HSD17B12: variants seen among roughly 807,000 people sequenced by gnomAD.
HSD17B12 encodes the protein very-long-chain 3-oxoacyl-CoA reductase.
Under a neutral mutation model 39.3 loss-of-function variants are expected in HSD17B12, and 32 were observed. The observed-to-expected ratio is 0.81, with a 90% CI of 0.61 to 1.09. The LOEUF (loss-of-function observed/expected upper bound fraction) is 1.09. HSD17B12 is among the 50% of genes least tolerant of loss of function. HSD17B12 has a pLI of 0.00. For synonymous variants in HSD17B12, 150 were observed against 146.7 expected, an observed-to-expected ratio of 1.02 and a Z score of -0.16; for missense variants, 342 against 382.9, an observed-to-expected ratio of 0.89 and a Z score of 0.89.
At chr11:43,803,942 CTTGATTCCT>C (rs1465492905) in intron 4 of HSD17B12, among the ~76,000 whole-genome samples, 3 of 152,182 alleles carry the variant, frequency 2.0e-5, no homozygotes, top group Non-Finnish European at 4.4e-5. Context: ...GTAATGCTTA[CTTGATTCCT>C]TAGGAGAGAC....
the HSD17B12 span, among the ~76,000 whole-genome samples, chr11:43,580,029 A>T: frequency 6.7e-6 from 1 of 148,228 alleles, no homozygotes; most frequent in Non-Finnish European, 1.5e-5. Context: ...GGAGATAGTC[A>T]GGACGTCCCT....
intron 7 of HSD17B12, among the ~76,000 whole-genome samples, chr11:43,834,694 T>C (rs1286482360): frequency 6.6e-6 from 1 of 152,170 alleles, no homozygotes; most frequent in Non-Finnish European, 1.5e-5. Flanking sequence ...AAGGGAGTCT[T>C]ATTGGGAATT....
chr11:43,680,749 C>T lies in HSD17B12; in HGVS notation c.-79C>T, dbSNP rs1390931676. The T allele has an allele frequency of 2.3e-6, 3 of 1,313,680 alleles. No individual in the cohort carries two copies. Among genetic ancestry groups the T allele is most frequent in the East Asian group, 2.3e-5 (1 of 42,868 alleles). The allele number at this position is 1,313,680 out of a possible 1,614,324, so 81.4% of individuals were successfully genotyped here. On this transcript the variant is annotated 5_prime_UTR_variant, in exon 1 of 11. Transcript: ENST00000278353. ...CAGCGCCTATTAGTGTCATCCTCAC[C>T]GTCACGGCCGGCGCCTCCTCCTGGA... is the stretch of plus-strand genomic sequence containing the variant.
chr11:43,589,842 C>G, the HSD17B12 span, among the ~76,000 whole-genome samples: 1 of 152,190 alleles, frequency 6.6e-6, no homozygotes, highest in African/African-American at 2.4e-5. Flanking sequence ...TTATTAGCTG[C>G]ATGCCCTTGA....
chr11:43,796,661 G>A (rs567736300), intron 3 of HSD17B12, among the ~76,000 whole-genome samples: 35 of 152,326 alleles, frequency 2.3e-4, no homozygotes, highest in African/African-American at 7.9e-4. Flanking sequence ...ATGCAGAAGA[G>A]TGAATTTGGT....
At chr11:43,656,179 T>C in the HSD17B12 span, among the ~76,000 whole-genome samples, 16 of 152,258 alleles carry the variant, frequency 1.1e-4, no homozygotes, top group Admixed American at 9.8e-4. Context: ...CTAGATTTTC[T>C]AGTTTATTTG....
chr11:43,723,646 A>G (rs940857586), intron 1 of HSD17B12, among the ~76,000 whole-genome samples: 1 of 152,264 alleles, frequency 6.6e-6, no homozygotes, highest in East Asian at 1.9e-4. Flanking sequence ...TAACTGATTT[A>G]TAACCATGTA....
At chr11:43,567,307 G>C in the HSD17B12 span, among the ~76,000 whole-genome samples, 1 of 152,276 alleles carries the variant, frequency 6.6e-6, no homozygotes, top group East Asian at 1.9e-4. Context: ...GATCTCCTGG[G>C]ACCAGCCCCA....
intron 1 of HSD17B12, among the ~76,000 whole-genome samples, chr11:43,744,029 A>G (rs1950392158): frequency 1.3e-5 from 2 of 152,340 alleles, no homozygotes; most frequent in South Asian, 4.1e-4. Context: ...TCAAAGTAGC[A>G]AAATTGACAA....
At chr11:43,771,497 C>T (rs1307820267) in intron 3 of HSD17B12, among the ~76,000 whole-genome samples, 11 of 111,452 alleles carry the variant, frequency 9.9e-5, no homozygotes, top group Admixed American at 6.4e-4. Flanking sequence ...GACAGAGTAT[C>T]GCTCTGTCAC....
chr11:43,725,969 T>C (rs1950216920), intron 1 of HSD17B12, among the ~76,000 whole-genome samples: 2 of 152,204 alleles, frequency 1.3e-5, no homozygotes, highest in Non-Finnish European at 2.9e-5. Context: ...GCAAGATTTT[T>C]CTCAGATTTC....
intron 7 of HSD17B12, chr11:43,833,745 G>A (rs932416696): frequency 6.6e-6 from 1 of 152,132 alleles, no homozygotes; most frequent in African/African-American, 2.4e-5. Context: ...ATCCTTTGTT[G>A]TTGTTTTCCT....
chr11:43,658,495 T>C, the HSD17B12 span, among the ~76,000 whole-genome samples: 1 of 152,238 alleles, frequency 6.6e-6, no homozygotes, highest in African/African-American at 2.4e-5. Flanking sequence ...CCAGTTTTTC[T>C]GCTCTGTTTT....
intron 6 of HSD17B12, among the ~76,000 whole-genome samples, chr11:43,818,734 C>T (rs767343376): frequency 6.6e-6 from 1 of 152,048 alleles, no homozygotes; most frequent in Non-Finnish European, 1.5e-5. Flanking sequence ...GCAAGACTCT[C>T]ATGCACAAAA....
At chr11:43,575,321 G>T in the HSD17B12 span, among the ~76,000 whole-genome samples, 21 of 152,348 alleles carry the variant, frequency 1.4e-4, no homozygotes, top group East Asian at 9.6e-4. This position sits in a 1 kb window ranked among gnomAD's most constrained non-coding sequence, Gnocchi z 4.1. Context: ...GAGAGCGGGA[G>T]CCTTAGAATC....
At chr11:43,783,439 G>A (rs1028442677) in intron 3 of HSD17B12, among the ~76,000 whole-genome samples, 3 of 142,512 alleles carry the variant, frequency 2.1e-5, no homozygotes, top group South Asian at 4.6e-4. Context: ...TATACTTTAA[G>A]TTCTGGGATA....
In HSD17B12 at chr11:43,690,383, TATATATATATA is replaced by T. The variant is rs1949845856; in HGVS notation, c.160+9397_160+9407del. 3.5e-3 allele frequency among the ~76,000 whole-genome samples: 48 copies of T among 13,612 alleles called. 1 individual carries two copies. Among genetic ancestry groups the T allele is most frequent in the South Asian group, 7.8e-3 (3 of 384 alleles). The allele number at this position is 13,612 out of a possible 152,430, so 8.9% of individuals were successfully genotyped here. A position where few individuals can be genotyped will look rare whatever the true frequency, so the allele number is the denominator to read the frequency against. ...ATACATATATATATATATATATATA[TATATATATATA>T]TATATATATATTTTTTTTTTTTTTT... On this transcript the variant is annotated intron_variant, in intron 1 of 10. Coordinates refer to ENST00000278353, the MANE Select transcript of HSD17B12 (RefSeq NM_016142.3).
At position 43,734,041 on chromosome 11, in the gene HSD17B12, T is replaced by C. The variant is rs1030299840; in HGVS notation, c.161-16870T>C. 5.1e-6 allele frequency: 4 copies of C among 780,530 alleles called. No individual in the cohort carries two copies. The African/African-American group carries it at 6.8e-5, about 13-fold the overall frequency. 48.4% of individuals were successfully genotyped at this position (780,530 alleles called of 1,614,324 possible). ...GTCAATATCACACGGCGGATCCTCT[T>C]CCGGCCTATCGCTAGCCAACTTCCT... On this transcript the variant is annotated intron_variant, in intron 1 of 10. Coordinates refer to ENST00000278353, the MANE Select transcript of HSD17B12 (RefSeq NM_016142.3).
At chr11:43,776,014 A>G (rs954102137) in intron 3 of HSD17B12, among the ~76,000 whole-genome samples, 2 of 152,134 alleles carry the variant, frequency 1.3e-5, no homozygotes, top group African/African-American at 2.4e-5. Context: ...ATCGTTGGAC[A>G]TTTGGGTTGG....
Sources: gnomAD v4.1 joint callset for allele counts (sites outside exome capture counted in the v4.1 genomes callset) on GRCh38, gnomAD v4.1.1 for gene constraint, Gnocchi (gnomAD v3.1) non-coding constraint, MANE v1.5 for transcripts, NCBI Gene and HGNC (gene_info 2026-07-23, HGNC 2026-07-21) for gene names.